ADGRG6: variants seen among roughly 807,000 people sequenced by gnomAD.
ADGRG6 encodes the protein adhesion G protein-coupled receptor G6.
In ADGRG6, 84 loss-of-function variants were observed where a neutral mutation model predicts 142.4. That is an observed-to-expected ratio of 0.59 (90% CI 0.49 to 0.71). The LOEUF (loss-of-function observed/expected upper bound fraction) is 0.71, where lower values mean the gene tolerates loss of function less well. Among genes scored for constraint, ADGRG6 ranks in the 30% least tolerant of loss-of-function variants. ADGRG6 has a pLI of 0.00. For synonymous variants in ADGRG6, 521 were observed against 520.5 expected (o/e 1.00, Z -0.01); for missense variants, 1,367 against 1,466.6 (o/e 0.93, Z 1.11).
chr6:142,389,781 G>A (rs2114966517), intron 6 of ADGRG6, among the ~76,000 whole-genome samples: 1 of 151,912 alleles, frequency 6.6e-6, no homozygotes, highest in South Asian at 2.1e-4. Flanking sequence ...GAAAAGGAGA[G>A]GAATTAGGGT....
At chr6:142,419,439 C>T (rs1023840676) in intron 21 of ADGRG6, among the ~76,000 whole-genome samples, 1 of 152,148 alleles carries the variant, frequency 6.6e-6, no homozygotes, top group Non-Finnish European at 1.5e-5. Context: ...TACAGCCACT[C>T]CTTAAATACA....
intron 4 of ADGRG6, among the ~76,000 whole-genome samples, chr6:142,380,594 C>G: frequency 6.6e-6 from 1 of 152,170 alleles, no homozygotes; most frequent in East Asian, 1.9e-4. Flanking sequence ...GTCTCAGTGC[C>G]TCCTTGGTAC....
Position 142,417,505 on chromosome 6 carries a change from C to T in ADGRG6, c.3035+136C>T, listed in dbSNP as rs890876573. On this transcript the variant is annotated intron_variant, in intron 21 of 24. Transcript: ENST00000367609. ...CACATGACTGCCAAAATCTCTGCTA[C>T]ACCACAGATTAATTCAGTTGAATGC... 3 of 605,166 alleles carry T rather than the reference C, an allele frequency of 5.0e-6. No individual in the cohort carries two copies. In the African/African-American group the frequency reaches 5.6e-5, roughly 11 times the overall value. The allele number at this position is 605,166 out of a possible 1,614,324, so 37.5% of individuals were successfully genotyped here. A position where few individuals can be genotyped will look rare whatever the true frequency, so the allele number is the denominator to read the frequency against.
chr6:142,414,762 G>A (rs1032285532), intron 18 of ADGRG6, among the ~76,000 whole-genome samples: 7 of 152,136 alleles, frequency 4.6e-5, no homozygotes, highest in African/African-American at 1.7e-4. Flanking sequence ...AATGTGTAAC[G>A]ACTTCCAGAA....
At position 142,375,382 on chromosome 6, in the gene ADGRG6, A is replaced by T. The variant is rs572690926; in HGVS notation, c.1069+4589A>T. ...TTCCAAGTTGACGTTAAACACTCAC[A>T]TTCCAGACATTCAGATGTCCTGGAC... On this transcript the variant is annotated intron_variant, in intron 4 of 24. Transcript: ENST00000367609. Among the ~76,000 whole-genome samples, 3 of 152,332 alleles carry T rather than the reference A, an allele frequency of 2.0e-5. No homozygotes were observed. In the South Asian group the frequency reaches 6.2e-4, roughly 32 times the overall value.
chr6:142,420,819 T>G (rs1776625356), intron 22 of ADGRG6, among the ~76,000 whole-genome samples: 1 of 152,130 alleles, frequency 6.6e-6, no homozygotes, highest in Non-Finnish European at 1.5e-5. Flanking sequence ...GAATATAAAT[T>G]GTCTTTTTAG....
intron 2 of ADGRG6, among the ~76,000 whole-genome samples, chr6:142,360,745 C>T (rs1256163474): frequency 6.6e-6 from 1 of 152,122 alleles, no homozygotes; most frequent in East Asian, 1.9e-4. Context: ...TGAAACTCCA[C>T]CTCCTGGGTT....
chr6:142,339,241 T>C (rs1779500724), intron 2 of ADGRG6, among the ~76,000 whole-genome samples: 1 of 152,196 alleles, frequency 6.6e-6, no homozygotes, highest in Non-Finnish European at 1.5e-5. Flanking sequence ...CTTAGAGCAG[T>C]TGCAAGAACA....
chr6:142,306,664 G>A (rs1777510342), intron 1 of ADGRG6, among the ~76,000 whole-genome samples: 1 of 151,980 alleles, frequency 6.6e-6, no homozygotes, highest in African/African-American at 2.4e-5. Context: ...CAATCAAAAT[G>A]GTGTAAGAGT....
At chr6:142,396,848 G>A (rs999296793) in intron 9 of ADGRG6, among the ~76,000 whole-genome samples, 1 of 152,088 alleles carries the variant, frequency 6.6e-6, no homozygotes, top group Non-Finnish European at 1.5e-5. Flanking sequence ...TTTGACTATA[G>A]CTGTGATTGT....
chr6:142,396,756 G>A (rs1775218121), intron 9 of ADGRG6, among the ~76,000 whole-genome samples: 1 of 152,056 alleles, frequency 6.6e-6, no homozygotes, highest in South Asian at 2.1e-4. Context: ...TCACATATAA[G>A]CAAAAGAAAT....
chr6:142,442,245 G>A (rs1166940473), intron 24 of ADGRG6, among the ~76,000 whole-genome samples: 1 of 152,088 alleles, frequency 6.6e-6, no homozygotes, highest in Non-Finnish European at 1.5e-5. Context: ...TATGGAGAAG[G>A]TACATAGGAA....
Position 142,416,079 on chromosome 6 carries a change from AT to A in ADGRG6, c.2938+22del. On this transcript the variant is annotated intron_variant, in intron 20 of 24. Transcript: ENST00000367609. Reference sequence around the variant, plus strand: ...CATTGGCTGGGGTAAGCCTCTTAAAATTTTTTTGGTTTTGTTTTTCCCTCAT... The same window carrying A: ...CATTGGCTGGGGTAAGCCTCTTAAAATTTTTTGGTTTTGTTTTTCCCTCAT... 6.3e-6 allele frequency: 10 copies of A among 1,581,802 alleles called. No homozygotes were observed. The highest frequency in any genetic ancestry group is 8.6e-6 in the Non-Finnish European group (10 of 1,163,282).
intron 10 of ADGRG6, among the ~76,000 whole-genome samples, chr6:142,399,116 C>T (rs1178803208): frequency 6.6e-6 from 1 of 152,052 alleles, no homozygotes; most frequent in Non-Finnish European, 1.5e-5. Flanking sequence ...TGATTAGGTA[C>T]ATTAGTAGAG....
chr6:142,437,013 A>G (rs1487642237), intron 22 of ADGRG6, among the ~76,000 whole-genome samples: 1 of 152,232 alleles, frequency 6.6e-6, no homozygotes, highest in African/African-American at 2.4e-5. Flanking sequence ...AGCTCAGAAT[A>G]CACAAATTGA....
chr6:142,390,417 T>C lies in ADGRG6; in HGVS notation c.1308+74T>C, dbSNP rs1026991461. ...GGGAATCTGGAAAAGACTAGTTAAC[T>C]GAATCCACAGATCATACTGAAACAC... On this transcript the variant is annotated intron_variant, in intron 7 of 24. Coordinates refer to ENST00000367609, the MANE Select transcript of ADGRG6 (RefSeq NM_198569.3). The C allele has an allele frequency of 4.5e-4, 346 of 773,998 alleles. 2 individuals carry two copies. The highest frequency in any genetic ancestry group is 1.9e-3 in the Middle Eastern group (8 of 4,194). The allele number at this position is 773,998 out of a possible 1,614,324, so 47.9% of individuals were successfully genotyped here. A position where few individuals can be genotyped will look rare whatever the true frequency, so the allele number is the denominator to read the frequency against.
intron 2 of ADGRG6, among the ~76,000 whole-genome samples, chr6:142,353,206 A>G (rs984353217): frequency 6.6e-6 from 1 of 152,048 alleles, no homozygotes; most frequent in African/African-American, 2.4e-5. Flanking sequence ...ATGGGCTCCC[A>G]CCCAAGCTAA....
In ADGRG6 at chr6:142,407,190, A is replaced by AAG. The variant is rs397714202; in HGVS notation, c.2269-960_2269-959insAG. Among the ~76,000 whole-genome samples the AAG allele has an allele frequency of 3.2e-3, 481 of 149,964 alleles. 3 individuals carry two copies. Among genetic ancestry groups the AAG allele is most frequent in the African/African-American group, 0.011 (458 of 40,838 alleles). On this transcript the variant is annotated intron_variant, in intron 15 of 24. Transcript: ENST00000367609. ...CTCTTTAAAAAAAAAAAAAAAAAAA[A>AAG]GGAAGCATATGTTCAGTTTCTAAAG...
At chr6:142,324,417 A>G (rs1157759524) in intron 2 of ADGRG6, among the ~76,000 whole-genome samples, 1 of 152,038 alleles carries the variant, frequency 6.6e-6, no homozygotes, top group Non-Finnish European at 1.5e-5. Flanking sequence ...TAAGAAATAA[A>G]CAAGCTGAAA....
Sources: gnomAD v4.1 joint callset for allele counts (sites outside exome capture counted in the v4.1 genomes callset) on GRCh38, gnomAD v4.1.1 for gene constraint, MANE v1.5 for transcripts, NCBI Gene and HGNC (gene_info 2026-07-23, HGNC 2026-07-21) for gene names.